The following VPS13C variants were observed in gnomAD, a reference collection of about 807,000 sequenced individuals.
VPS13C encodes the protein vacuolar protein sorting 13 homolog C, also known as intermembrane lipid transfer protein VPS13C.
VPS13C carries 358 observed loss-of-function variants against 456.8 expected under a neutral mutation model. The observed-to-expected ratio is 0.78, with a 90% confidence interval of 0.72 to 0.86. The LOEUF is 0.86. Ranked by LOEUF, VPS13C falls within the 40% of genes least tolerant of loss-of-function variation. The pLI, the probability that VPS13C is intolerant of heterozygous loss-of-function variation, is 0.00. For missense variants in VPS13C, 4,818 were observed against 4,385.4 expected (o/e 1.10, Z -2.79); for synonymous variants, 1,578 against 1,486.7 (o/e 1.06, Z -1.41).
intron 68 of VPS13C, among the ~76,000 whole-genome samples, chr15:61,883,341 G>A (rs1294350259): frequency 6.6e-6 from 1 of 151,782 alleles, no homozygotes; most frequent in Non-Finnish European, 1.5e-5. Context: ...CTGGCCCAAA[G>A]ATAATTCTAA....
chr15:61,908,978 CT>C lies in VPS13C; in HGVS notation c.8978+13del. 6.2e-7 allele frequency: 1 copy of C among 1,609,968 alleles called. No individual in the cohort carries two copies. Among genetic ancestry groups the C allele is most frequent in the Non-Finnish European group, 8.5e-7 (1 of 1,177,922 alleles). On this transcript the variant is annotated intron_variant, in intron 65 of 84. Transcript: ENST00000644861. ...CCAATAAAAGTATTTCCCATTAACC[CT>C]TTTTTCTCATACCTCTGTTTGTATG...
At chr15:62,004,208 G>A (rs1230229362) in intron 15 of VPS13C, among the ~76,000 whole-genome samples, 1 of 151,290 alleles carries the variant, frequency 6.6e-6, no homozygotes, top group Non-Finnish European at 1.5e-5. Context: ...TCCTGTTATT[G>A]GTCTATTCAG....
At chr15:61,862,392 G>A (rs1020327774) in intron 82 of VPS13C, among the ~76,000 whole-genome samples, 15 of 151,874 alleles carry the variant, frequency 9.9e-5, no homozygotes, top group African/African-American at 3.4e-4. Context: ...CCCACAGAAT[G>A]GCTTAAATCA....
intron 36 of VPS13C, 89 bp from the exon 37 acceptor site, chr15:61,958,805 A>T (rs1419728164): frequency 1.5e-6 from 1 of 650,368 alleles, no homozygotes; most frequent in African/African-American, 1.9e-5. Context: ...TTTGCAACAC[A>T]TGAGGGACAG....
Position 61,906,924 on chromosome 15 carries a change from T to G in VPS13C, c.9105+340A>C, listed in dbSNP as rs544355759. On this transcript the variant is annotated intron_variant, in intron 66 of 84. Coordinates refer to ENST00000644861, the MANE Select transcript of VPS13C (RefSeq NM_020821.3). ...TAGGAAAACAAGCTTTAAAAACTCA[T>G]AGCCAAAAGTGGCATAGGTATGTTC... The G allele has an allele frequency of 6.5e-5, 15 of 231,012 alleles. 1 individual carries two copies. In the South Asian group the frequency reaches 9.3e-4, roughly 14 times the overall value. The allele number at this position is 231,012 out of a possible 1,614,324, so 14.3% of individuals were successfully genotyped here. A position where few individuals can be genotyped will look rare whatever the true frequency, so the allele number is the denominator to read the frequency against.
At chr15:61,955,108 T>C (rs1208892974) in intron 37 of VPS13C, among the ~76,000 whole-genome samples, 1 of 152,168 alleles carries the variant, frequency 6.6e-6, no homozygotes, top group African/African-American at 2.4e-5. Context: ...GCTGTGTTTC[T>C]GAAATTCGTA....
At chr15:61,909,268 C>T (rs755176203) in intron 64 of VPS13C, 143 bp from the exon 65 acceptor site, 31 of 1,007,336 alleles carry the variant, frequency 3.1e-5, no homozygotes, top group South Asian at 1.0e-4. Context: ...AGTACAGTGG[C>T]GCCATCTCGG....
intron 79 of VPS13C, among the ~76,000 whole-genome samples, chr15:61,871,500 T>C (rs1406316436): frequency 6.6e-6 from 1 of 152,132 alleles, no homozygotes; most frequent in East Asian, 1.9e-4. Flanking sequence ...ACTGTCTTAG[T>C]TACTGTAGCT....
intron 77 of VPS13C, among the ~76,000 whole-genome samples, chr15:61,874,299 T>C (rs941671147): frequency 7.2e-5 from 11 of 152,004 alleles, no homozygotes; most frequent in East Asian, 1.9e-4. Flanking sequence ...CAACAACTTA[T>C]TGTATGTCTT....
intron 13 of VPS13C, among the ~76,000 whole-genome samples, chr15:62,009,871 A>C (rs1398059053): frequency 6.6e-6 from 1 of 152,174 alleles, no homozygotes; most frequent in African/African-American, 2.4e-5. Context: ...TTAAAAACTG[A>C]GGAGGGAAAA....
At chr15:61,911,698 A>G in intron 63 of VPS13C, 142 bp downstream of exon 63, 2 of 852,956 alleles carry the variant, frequency 2.3e-6, no homozygotes, top group Non-Finnish European at 3.3e-6. Context: ...AAATATAGTA[A>G]GAGAAAAATC....
In VPS13C at chr15:61,922,395, A is replaced by C. The variant is rs1596334511; in HGVS notation, c.6975+2T>G. The C allele has an allele frequency of 6.2e-7, 1 of 1,610,896 alleles. No individual in the cohort carries two copies. The highest frequency in any genetic ancestry group is 2.2e-5 in the East Asian group (1 of 44,846). On this transcript the variant is annotated splice_donor_variant, in intron 54 of 84. Coordinates refer to ENST00000644861, the MANE Select transcript of VPS13C (RefSeq NM_020821.3). LOFTEE classifies it high-confidence loss of function. ...TGAAGGTATTAAGTGATGTGGCCAT[A>C]CCTGTAGTGTCACGTCAGCAACAGC...
chr15:61,981,282 G>A (rs2045877884), intron 22 of VPS13C, 60 bp downstream of exon 22: 1 of 1,503,680 alleles, frequency 6.7e-7, no homozygotes, highest in Non-Finnish European at 8.9e-7. Context: ...GCAAACTGTT[G>A]GAGAGTTAGC....
At chr15:61,900,794 A>G (rs1029395456) in intron 66 of VPS13C, among the ~76,000 whole-genome samples, 5 of 151,830 alleles carry the variant, frequency 3.3e-5, no homozygotes, top group African/African-American at 1.2e-4. Flanking sequence ...AAGAGCCCGC[A>G]TTGCCAAGTC....
rs533120300 is a variant in VPS13C, at chr15:62,000,185, C to T, written c.1353+379G>A. Among the ~76,000 whole-genome samples the T allele has an allele frequency of 3.3e-5, 5 of 152,078 alleles. No homozygotes were observed. In the East Asian group the frequency reaches 9.7e-4, roughly 30 times the overall value. Reference sequence around the variant, plus strand: ...AAGACCAGGCTGGCCAACATGGCAACAACCCATCTCTACTAAAACTACAAA... The same window carrying T: ...AAGACCAGGCTGGCCAACATGGCAATAACCCATCTCTACTAAAACTACAAA... On this transcript the variant is annotated intron_variant, in intron 16 of 84. Transcript: ENST00000644861.
At chr15:61,854,823 A>C in intron 84 of VPS13C, 48 bp downstream of exon 84, 1 of 1,523,348 alleles carries the variant, frequency 6.6e-7, no homozygotes, top group Non-Finnish European at 8.9e-7. Context: ...GCTTTTAAAA[A>C]AGTATTTCAG....
rs555804104 is a variant in VPS13C at position 62,016,907 on chromosome 15, A to T, written c.685-2915T>A. On this transcript the variant is annotated intron_variant, in intron 9 of 84. Coordinates refer to ENST00000644861, the MANE Select transcript of VPS13C (RefSeq NM_020821.3). ...CCACCAACAGTGTAAAAGTGTTTCT[A>T]TTTCTCCACATCCTCTCCAGCACCT... 2.8e-4 allele frequency among the ~76,000 whole-genome samples: 42 copies of T among 152,194 alleles called. 1 individual carries two copies. Among genetic ancestry groups the T allele is most frequent in the African/African-American group, 9.9e-4 (41 of 41,540 alleles).
chr15:61,957,445 G>A (rs2045042108), intron 37 of VPS13C, among the ~76,000 whole-genome samples: 1 of 152,060 alleles, frequency 6.6e-6, no homozygotes, highest in Non-Finnish European at 1.5e-5. Flanking sequence ...ATACTTCACT[G>A]TATGTATTAA....
At chr15:61,922,164 T>C (rs763563217) in intron 54 of VPS13C, 131 bp from the exon 55 acceptor site, 3 of 1,048,012 alleles carry the variant, frequency 2.9e-6, no homozygotes, top group East Asian at 5.1e-5. Context: ...TCTAACAATA[T>C]ATAGAGTGTA....
Sources: allele counts gnomAD v4.1 joint callset (sites outside exome capture counted in the v4.1 genomes callset), GRCh38; gene constraint gnomAD v4.1.1; transcripts MANE v1.5; gene names NCBI Gene and HGNC (gene_info 2026-07-23, HGNC 2026-07-21).